Variants in SLC2A1 observed in about 807,000 individuals in gnomAD.
The protein encoded by SLC2A1 is solute carrier family 2 member 1.
A neutral mutation model predicts 46.6 loss-of-function variants in SLC2A1; 4 were observed. That is an observed-to-expected ratio of 0.09 (90% CI 0.04 to 0.20). The LOEUF (loss-of-function observed/expected upper bound fraction) is 0.20. SLC2A1 is among the 10% of genes least tolerant of loss of function. The pLI is 1.00. For synonymous variants in SLC2A1, 253 were observed against 270.0 expected, an observed-to-expected ratio of 0.94 and a Z score of 0.62; for missense variants, 352 against 667.0, an observed-to-expected ratio of 0.53 and a Z score of 5.20.
intron 2 of SLC2A1, among the ~76,000 whole-genome samples, chr1:42,934,612 T>C (rs1308604499): frequency 6.6e-6 from 1 of 152,054 alleles, no homozygotes; most frequent in Non-Finnish European, 1.5e-5. Flanking sequence ...TCCCTAGAAG[T>C]GTCTGGGTGC....
intron 2 of SLC2A1, 24 bp downstream of exon 2, chr1:42,943,202 A>G: frequency 6.5e-7 from 1 of 1,528,120 alleles, no homozygotes; most frequent in Non-Finnish European, 9.1e-7. Context: ...GGTGTCCATA[A>G]GCCAACGATG....
At chr1:42,949,120 A>G (rs1343427204) in intron 1 of SLC2A1, among the ~76,000 whole-genome samples, 1 of 151,512 alleles carries the variant, frequency 6.6e-6, no homozygotes, top group Admixed American at 6.6e-5. Context: ...GCACATGCCT[A>G]TAATCCCAGC....
rs886046340 is a variant in SLC2A1 at position 42,926,719 on chromosome 1, A to C, written c.*322T>G. 7.3e-6 allele frequency: 10 copies of C among 1,369,394 alleles called. No homozygotes were observed. The highest frequency in any genetic ancestry group is 1.4e-5 in the African/African-American group (1 of 68,966). 84.8% of individuals were successfully genotyped at this position (1,369,394 alleles called of 1,614,324 possible). A position where few individuals can be genotyped will look rare whatever the true frequency, so the allele number is the denominator to read the frequency against. ...TCGACAGGGCTTAGTCTCCACCCTC[A>C]GGCATGGAACCATTCAGGGTGAAGC... On this transcript the variant is annotated 3_prime_UTR_variant, in exon 10 of 10. Transcript: ENST00000426263.
intron 1 of SLC2A1, among the ~76,000 whole-genome samples, chr1:42,945,056 T>C (rs1643637063): frequency 6.6e-6 from 1 of 152,110 alleles, no homozygotes; most frequent in Admixed American, 6.5e-5. Flanking sequence ...TGGACACTAA[T>C]TCAGAGGCTG....
Position 42,927,124 on chromosome 1 carries a change from C to T in SLC2A1, c.1396G>A (p.Gly466Ser), listed in dbSNP as rs138139624. 3.7e-5 allele frequency: 60 copies of T among 1,614,038 alleles called. No individual in the cohort carries two copies. The highest frequency in any genetic ancestry group is 4.6e-5 in the Non-Finnish European group (54 of 1,180,044). ...KGRTFDEIAS[G>S]FRQGGASQSD... is the part of the protein sequence containing the mutation. ...TGGCTGGCTCCCCCCTGCCGGAAGC[C>T]GGAAGCGATCTCATCGAAGGTCCGG... The change falls in exon 10 of 10, where the codon GGC (glycine) becomes AGC (serine). Residue 466 changes from glycine to serine, a missense_variant. Physicochemically the swap from Gly to Ser is moderately conservative, Grantham distance 56. This residue lies in a region of SLC2A1 where 41 missense variants were observed against 49.1 expected (regional missense o/e 0.83). Transcript: ENST00000426263. This position sits in a 1 kb window ranked among gnomAD's most constrained non-coding sequence, Gnocchi z 5.3.
At position 42,930,339 on chromosome 1, in the gene SLC2A1, T is replaced by C; in HGVS notation, c.516+287A>G. ...TGGGGACAGGGAAGGGGAAGCCTCC[T>C]GGAGAGAGGGTACTGTGCATAACAG... On this transcript the variant is annotated intron_variant, in intron 4 of 9. Coordinates refer to ENST00000426263, the MANE Select transcript of SLC2A1 (RefSeq NM_006516.4). The surrounding 1 kb of genome is among the most constrained non-coding windows in gnomAD (Gnocchi z 6.2). The C allele has an allele frequency of 1.6e-6, 1 of 636,316 alleles. No homozygotes were observed. The highest frequency in any genetic ancestry group is 1.8e-5 in the African/African-American group (1 of 54,636). The allele number at this position is 636,316 out of a possible 1,614,324, so 39.4% of individuals were successfully genotyped here.
In SLC2A1 at chr1:42,926,948, T is replaced by C. The variant is rs1643432713; in HGVS notation, c.*93A>G. On this transcript the variant is annotated 3_prime_UTR_variant, in exon 10 of 10. Coordinates refer to ENST00000426263, the MANE Select transcript of SLC2A1 (RefSeq NM_006516.4). Reference sequence around the variant, plus strand: ...AGCCCCAGGCCCGGCTCGGCTGACATCTGTCAGGTTTGGAAGTCTCATCCA... The same window carrying C: ...AGCCCCAGGCCCGGCTCGGCTGACACCTGTCAGGTTTGGAAGTCTCATCCA... 2 of 1,560,066 alleles carry C rather than the reference T, an allele frequency of 1.3e-6. No individual in the cohort carries two copies. The highest frequency in any genetic ancestry group is 8.7e-7 in the Non-Finnish European group (1 of 1,153,610).
chr1:42,958,804 G>C lies in SLC2A1; in HGVS notation c.-153C>G. On this transcript the variant is annotated 5_prime_UTR_variant, in exon 1 of 10. Coordinates refer to ENST00000426263, the MANE Select transcript of SLC2A1 (RefSeq NM_006516.4). ...CCGTCGTTTGGTCTCCTGCTCCCTG[G>C]CGTGCTCACTCGGGGACCCGCGACT... The C allele has an allele frequency of 1.3e-6, 1 of 742,136 alleles. No individual in the cohort carries two copies. Among genetic ancestry groups the C allele is most frequent in the Non-Finnish European group, 2.2e-6 (1 of 462,712 alleles). The allele number at this position is 742,136 out of a possible 1,614,324, so 46.0% of individuals were successfully genotyped here.
At chr1:42,942,040 C>A (rs1298585804) in intron 2 of SLC2A1, among the ~76,000 whole-genome samples, 1 of 152,252 alleles carries the variant, frequency 6.6e-6, no homozygotes, top group Non-Finnish European at 1.5e-5. Context: ...CTACCTGGTT[C>A]CCCCAAACAG....
Position 42,945,182 on chromosome 1 carries a change from T to C in SLC2A1, c.19-1861A>G, listed in dbSNP as rs148526421. 4.5e-3 allele frequency among the ~76,000 whole-genome samples: 685 copies of C among 152,314 alleles called. 8 individuals are homozygous for C. Among genetic ancestry groups the C allele is most frequent in the South Asian group, 0.028 (133 of 4,828 alleles). On this transcript the variant is annotated intron_variant, in intron 1 of 9. Transcript: ENST00000426263. Reference sequence around the variant, plus strand: ...GCATTTGCTCATGGGATGCAAAGTATATACTGTATTTTTCTGGAACACATT... The same window carrying C: ...GCATTTGCTCATGGGATGCAAAGTACATACTGTATTTTTCTGGAACACATT...
chr1:42,939,571 T>C (rs1043472724), intron 2 of SLC2A1, among the ~76,000 whole-genome samples: 3 of 152,214 alleles, frequency 2.0e-5, no homozygotes, highest in Non-Finnish European at 4.4e-5. Flanking sequence ...ATGACAGTTA[T>C]AACCTCTTGC....
At chr1:42,931,012 C>T (rs756639941) in intron 3 of SLC2A1, 34 bp downstream of exon 3, 19 of 1,613,522 alleles carry the variant, frequency 1.2e-5, no homozygotes, top group Non-Finnish European at 9.3e-6. Context: ...GGCATGGGCC[C>T]TCCAAGGGCA....
intron 2 of SLC2A1, among the ~76,000 whole-genome samples, chr1:42,938,132 T>G (rs375904841): frequency 2.0e-5 from 3 of 152,224 alleles, no homozygotes; most frequent in African/African-American, 7.2e-5. Context: ...GCTCAGTCAT[T>G]TGGGGAGGGG....
In SLC2A1 at chr1:42,927,453, G is replaced by T; in HGVS notation, c.1278+152C>A. ...TCAAGGCTAAGGGGAGAACCCTGGA[G>T]TTGAGGTCAGCATTCTTGGTCATGT... On this transcript the variant is annotated intron_variant, in intron 9 of 9. Coordinates refer to ENST00000426263, the MANE Select transcript of SLC2A1 (RefSeq NM_006516.4). This position sits in a 1 kb window ranked among gnomAD's most constrained non-coding sequence, Gnocchi z 5.3. 1.2e-6 allele frequency: 1 copy of T among 856,404 alleles called. No homozygotes were observed. Among genetic ancestry groups the T allele is most frequent in the Admixed American group, 2.0e-5 (1 of 49,504 alleles). The allele number at this position is 856,404 out of a possible 1,614,324, so 53.1% of individuals were successfully genotyped here.
In SLC2A1 at chr1:42,925,496, C is replaced by T. The variant is rs1359577156; in HGVS notation, c.*1545G>A. 2.0e-5 allele frequency: 3 copies of T among 152,300 alleles called. No homozygotes were observed. The highest frequency in any genetic ancestry group is 7.2e-5 in the African/African-American group (3 of 41,454). The allele number at this position is 152,300 out of a possible 1,614,324, so 9.4% of individuals were successfully genotyped here. ...CAAATCGGCATCTTCTCATGAAATT[C>T]AGACTAGTGGCAGAAAACTGGACTT... On this transcript the variant is annotated 3_prime_UTR_variant, in exon 10 of 10. Coordinates refer to ENST00000426263, the MANE Select transcript of SLC2A1 (RefSeq NM_006516.4).
In SLC2A1 at chr1:42,958,677, C is replaced by G. The variant is rs375001117; in HGVS notation, c.-26G>C. On this transcript the variant is annotated 5_prime_UTR_variant, in exon 1 of 10. Transcript: ENST00000426263. ...GGCAGCGCTGCGCTGGTGGCTCTGGCTGCGCCGGGTACGCGGGTGGCGACG... is the reference window on the plus strand; with the variant it reads ...GGCAGCGCTGCGCTGGTGGCTCTGGGTGCGCCGGGTACGCGGGTGGCGACG... 5.7e-5 allele frequency: 88 copies of G among 1,534,790 alleles called. 2 individuals carry two copies. The East Asian group carries it at 6.2e-4, about 11-fold the overall frequency.
In SLC2A1 at chr1:42,929,369, C is replaced by A; in HGVS notation, c.868-55G>T. On this transcript the variant is annotated intron_variant, in intron 6 of 9. Coordinates refer to ENST00000426263, the MANE Select transcript of SLC2A1 (RefSeq NM_006516.4). This position sits in a 1 kb window ranked among gnomAD's most constrained non-coding sequence, Gnocchi z 6.0. ...ACCTGGACATTGTGGCCCTTCCCTG[C>A]CTCTGTAGCAGTGGATGTGGGACCC... The A allele has an allele frequency of 7.0e-7, 1 of 1,428,632 alleles. No homozygotes were observed. The highest frequency in any genetic ancestry group is 9.7e-7 in the Non-Finnish European group (1 of 1,028,260). 88.5% of individuals were successfully genotyped at this position (1,428,632 alleles called of 1,614,324 possible).
chr1:42,945,016 G>A (rs1403518186), intron 1 of SLC2A1, among the ~76,000 whole-genome samples: 2 of 152,022 alleles, frequency 1.3e-5, no homozygotes, highest in South Asian at 2.1e-4. Flanking sequence ...GGACCCCAGC[G>A]ACACACCAGG....
intron 1 of SLC2A1, chr1:42,951,710 C>T (rs778350414): frequency 5.0e-6 from 2 of 396,382 alleles, no homozygotes; most frequent in Non-Finnish European, 8.9e-6. Context: ...CATCTAAGAA[C>T]TTTATTGGAC....
Sources: allele counts gnomAD v4.1 joint callset (sites outside exome capture counted in the v4.1 genomes callset), GRCh38; gene constraint gnomAD v4.1.1; regional missense constraint gnomAD v4.1.1; non-coding constraint Gnocchi (gnomAD v3.1); transcripts MANE v1.5; gene names NCBI Gene and HGNC (gene_info 2026-07-23, HGNC 2026-07-21).